Variants in CSGALNACT1 observed in about 807,000 individuals in gnomAD.
The protein encoded by CSGALNACT1 is chondroitin sulfate N-acetylgalactosaminyltransferase 1.
A neutral mutation model predicts 51.0 loss-of-function variants in CSGALNACT1; 52 were observed. That is an observed-to-expected ratio of 1.02 (90% confidence interval 0.82 to 1.29). CSGALNACT1 has a LOEUF of 1.29. CSGALNACT1 is among the 50% of genes most tolerant of loss of function. The pLI, the probability that CSGALNACT1 is intolerant of heterozygous loss-of-function variation, is 0.00. For missense variants in CSGALNACT1, 935 were observed against 679.2 expected, an observed-to-expected ratio of 1.38 and a Z score of -4.19; for synonymous variants, 341 against 254.4, an observed-to-expected ratio of 1.34 and a Z score of -3.24.
chr8:19,611,433 G>A (rs2052241695), intron 1 of CSGALNACT1, among the ~76,000 whole-genome samples: 2 of 152,140 alleles, frequency 1.3e-5, no homozygotes, highest in Admixed American at 1.3e-4. Flanking sequence ...TTGGGCACTT[G>A]CTGTAAACCA....
chr8:19,683,803 A>C (rs2060803518), upstream of CSGALNACT1, among the ~76,000 whole-genome samples: 1 of 149,714 alleles, frequency 6.7e-6, no homozygotes, highest in Admixed American at 6.6e-5. Flanking sequence ...AAAGTCAAGA[A>C]AGTATTTTTT....
At chr8:19,692,205 T>A (rs73216643) in intron 1 of CSGALNACT1, among the ~76,000 whole-genome samples, 23,492 of 152,064 alleles carry the variant, frequency 0.15, 2,105 homozygotes, top group East Asian at 0.41. Context: ...TTATAGGGAT[T>A]ACAATTAGAG....
chr8:19,673,683 T>A (rs2059961009), intron 1 of CSGALNACT1, among the ~76,000 whole-genome samples: 1 of 152,220 alleles, frequency 6.6e-6, no homozygotes, highest in Admixed American at 6.5e-5. Context: ...CACGTGCTAA[T>A]GTTCCATACC....
intron 1 of CSGALNACT1, among the ~76,000 whole-genome samples, chr8:19,708,100 C>T (rs145905290): frequency 1.1e-3 from 173 of 152,324 alleles, no homozygotes; most frequent in African/African-American, 4.0e-3. Flanking sequence ...GGAACACAGA[C>T]AGGTGCTAAG....
At chr8:19,725,927 G>A (rs1345156349) in intron 1 of CSGALNACT1, among the ~76,000 whole-genome samples, 1 of 151,988 alleles carries the variant, frequency 6.6e-6, no homozygotes, top group Non-Finnish European at 1.5e-5. Context: ...CATAATTCAG[G>A]CTTCACTCTC....
chr8:19,457,696 T>G, intron 5 of CSGALNACT1: 1 of 1,319,364 alleles, frequency 7.6e-7, no homozygotes, highest in South Asian at 1.2e-5. Context: ...AACAAGCTGG[T>G]GAAATCACTT....
intron 5 of CSGALNACT1, among the ~76,000 whole-genome samples, chr8:19,442,186 A>C (rs2153762731): frequency 6.6e-6 from 1 of 152,296 alleles, no homozygotes; most frequent in South Asian, 2.1e-4. Flanking sequence ...CTAGAACTAG[A>C]AATACCGTTT....
At chr8:19,433,166 T>A (rs140642391) in intron 6 of CSGALNACT1, among the ~76,000 whole-genome samples, 1 of 152,338 alleles carries the variant, frequency 6.6e-6, no homozygotes, top group Non-Finnish European at 1.5e-5. Flanking sequence ...GGTCAGCTAA[T>A]GAGTGGACAA....
At chr8:19,452,529 T>C (rs1485164351) in intron 5 of CSGALNACT1, among the ~76,000 whole-genome samples, 1 of 151,960 alleles carries the variant, frequency 6.6e-6, no homozygotes, top group Non-Finnish European at 1.5e-5. Context: ...GGATGAGACA[T>C]GCTGAGAGCT....
At chr8:19,699,552 A>G (rs2061752576) in intron 1 of CSGALNACT1, among the ~76,000 whole-genome samples, 1 of 152,250 alleles carries the variant, frequency 6.6e-6, no homozygotes, top group Non-Finnish European at 1.5e-5. Flanking sequence ...GGCAAAAATT[A>G]TATGATGTTA....
chr8:19,544,468 G>T (rs2086011778), intron 3 of CSGALNACT1, among the ~76,000 whole-genome samples: 3 of 152,050 alleles, frequency 2.0e-5, no homozygotes, highest in Admixed American at 2.0e-4. Context: ...CAATGCTGAA[G>T]GAAAAAGCTA....
intron 1 of CSGALNACT1, among the ~76,000 whole-genome samples, chr8:19,619,036 C>T (rs1474151522): frequency 6.6e-6 from 1 of 152,050 alleles, no homozygotes; most frequent in Non-Finnish European, 1.5e-5. Flanking sequence ...ACAAACCCTG[C>T]CCTCTTAGAG....
At chr8:19,635,947 C>T (rs2055995439) in intron 1 of CSGALNACT1, among the ~76,000 whole-genome samples, 1 of 152,162 alleles carries the variant, frequency 6.6e-6, no homozygotes, top group South Asian at 2.1e-4. Flanking sequence ...CCAGGCTGGT[C>T]TCGAACTCCT....
At chr8:19,410,647 T>C (rs1352339768) in intron 8 of CSGALNACT1, among the ~76,000 whole-genome samples, 1 of 152,080 alleles carries the variant, frequency 6.6e-6, no homozygotes. Context: ...CCTTTCGAGG[T>C]TGAACAAGGT....
chr8:19,686,080 A>G (rs943044246), upstream of CSGALNACT1, among the ~76,000 whole-genome samples: 13 of 152,230 alleles, frequency 8.5e-5, no homozygotes, highest in Admixed American at 2.0e-4. Flanking sequence ...CAGCACAGTC[A>G]AGGGCACAGT....
intron 1 of CSGALNACT1, among the ~76,000 whole-genome samples, chr8:19,668,975 T>C (rs1474642469): frequency 6.6e-6 from 1 of 152,244 alleles, no homozygotes; most frequent in Non-Finnish European, 1.5e-5. Flanking sequence ...GATCAAAGTA[T>C]TCATTTCTCA....
rs542956513 is a variant in CSGALNACT1 at position 19,549,656 on chromosome 8, CTTTTTTTTTTTT to C, written c.-297+41492_-297+41503del. 5.5e-3 allele frequency among the ~76,000 whole-genome samples: 459 copies of C among 83,480 alleles called. 5 individuals are homozygous for C. The highest frequency in any genetic ancestry group is 0.028 in the Middle Eastern group (3 of 106). 54.8% of individuals were successfully genotyped at this position (83,480 alleles called of 152,430 possible). ...TTTCTTCACTTTCCCCAATTTCCTA[CTTTTTTTTTTTT>C]TTTTTTTTTTTTGGCGTATTCACTC... On this transcript the variant is annotated intron_variant, in intron 3 of 9. Coordinates refer to ENST00000454498, the Ensembl canonical transcript of CSGALNACT1.
intron 5 of CSGALNACT1, among the ~76,000 whole-genome samples, chr8:19,444,876 AG>A (rs2061870519): frequency 6.6e-6 from 1 of 152,180 alleles, no homozygotes; most frequent in South Asian, 2.1e-4. Context: ...TCAGTGAAGG[AG>A]GGATAAAGTT....
chr8:19,417,093 G>C lies in CSGALNACT1; in HGVS notation c.1227+1563C>G, dbSNP rs142388303. Among the ~76,000 whole-genome samples the C allele has an allele frequency of 4.6e-3, 707 of 152,196 alleles. 3 individuals are homozygous for C. The highest frequency in any genetic ancestry group is 0.031 in the Middle Eastern group (9 of 294). On this transcript the variant is annotated intron_variant, in intron 8 of 9. Coordinates refer to ENST00000454498, the Ensembl canonical transcript of CSGALNACT1. ...TGGTCTCAAACTCCTGGCCTCAAGT[G>C]ATCTGCCCATCTCGGCCTCCCAAAG...
Sources: gnomAD v4.1 joint callset for allele counts (sites outside exome capture counted in the v4.1 genomes callset) on GRCh38, gnomAD v4.1.1 for gene constraint, MANE v1.5 for transcripts, NCBI Gene and HGNC (gene_info 2026-07-23, HGNC 2026-07-21) for gene names.